The following ESD variants were observed in gnomAD, a reference collection of about 807,000 sequenced individuals.
ESD encodes S-formylglutathione hydrolase.
Under a neutral mutation model 38.1 loss-of-function variants are expected in ESD, and 34 were observed. The observed-to-expected ratio is 0.89, with a 90% CI of 0.68 to 1.19. ESD has a LOEUF of 1.19. ESD is among the 50% of genes most tolerant of loss of function. The pLI is 0.00. For synonymous variants in ESD, 97 were observed against 107.0 expected, an observed-to-expected ratio of 0.91 and a Z score of 0.58; for missense variants, 334 against 327.2, an observed-to-expected ratio of 1.02 and a Z score of -0.16.
At position 46,781,522 on chromosome 13, in the gene ESD, C is replaced by A. The variant is rs748070243; in HGVS notation, c.475G>T (p.Ala159Ser). ...SMGGHGALIC[A>S]LKNPGKYKSV... ...TTGTATTTTCCAGGATTTTTCAAAG[C>A]ACAGATCAGAGCTCCATGACCTCCC... The change falls in exon 7 of 10, where the codon GCT becomes TCT. Residue 159 changes from alanine to serine, a missense_variant. Transcript: ENST00000378720. 6.2e-7 allele frequency: 1 copy of A among 1,605,036 alleles called. No homozygotes were observed. Among genetic ancestry groups the A allele is most frequent in the South Asian group, 1.1e-5 (1 of 89,718 alleles).
chr13:46,774,176 C>T (rs148975173), intron 9 of ESD, among the ~76,000 whole-genome samples: 6 of 151,748 alleles, frequency 4.0e-5, no homozygotes, highest in Non-Finnish European at 4.4e-5. Flanking sequence ...TAGAGAAGTC[C>T]CAAGGTAAAC....
At chr13:46,794,086 G>A (rs1593412701) in intron 1 of ESD, among the ~76,000 whole-genome samples, 1 of 152,132 alleles carries the variant, frequency 6.6e-6, no homozygotes, top group South Asian at 2.1e-4. Flanking sequence ...AACAGATTTT[G>A]TGGGAGAAAT....
At position 46,777,467 on chromosome 13, in the gene ESD, G is replaced by T; in HGVS notation, c.757C>A (p.Arg253=). The T allele has an allele frequency of 6.2e-7, 1 of 1,601,360 alleles. No individual in the cohort carries two copies. Among genetic ancestry groups the T allele is most frequent in the South Asian group, 1.1e-5 (1 of 88,776 alleles). Residue 253 remains arginine (R), a synonymous_variant, in exon 9 of 10, where the codon CGA becomes AGA. Transcript: ENST00000378720. ...TTCCTAATACTTGCCTCTTGCAATC[G>T]AAAAACAACGGGGATTTTCTTTTCT... ...CTEKKIPVVF[R]LQEGYDHSYY...
chr13:46,784,297 C>G lies in ESD; in HGVS notation c.211G>C (p.Ala71Pro). 6.2e-7 allele frequency: 1 copy of G among 1,611,814 alleles called. No individual in the cohort carries two copies. The highest frequency in any genetic ancestry group is 2.2e-5 in the East Asian group (1 of 44,850). ...FISKSGYHQS[A>P]SEHGLVVIAP... ...ATGACAACAAGACCATGTTCTGAAG[C>G]AGACTGATGATAACCAGATTTTGAT... is the stretch of plus-strand genomic sequence containing the variant. Residue 71 changes from alanine to proline, a missense_variant, in exon 5 of 10, where the codon GCT becomes CCT. By Grantham distance (27) the Ala-to-Pro change is conservative (BLOSUM62 -1). Transcript: ENST00000378720.
rs1362030549 is a variant in ESD at position 46,777,590 on chromosome 13, G to T, written c.634C>A (p.Pro212Thr). The change falls in exon 9 of 10, where the codon CCA becomes ACA. Residue 212 changes from proline (P) to threonine (T), a missense_variant. Physicochemically the swap from Pro to Thr is conservative, Grantham distance 38. Transcript: ENST00000378720. The part of the protein sequence containing the change: ...YDATHLVKSY[P>T]GSQLDILIDQ... ...ATTAGTATGTCCAGCTGAGATCCTGGATAGGATTTCACAAGGTGGGTAGCA... is the reference window on the plus strand; with the variant it reads ...ATTAGTATGTCCAGCTGAGATCCTGTATAGGATTTCACAAGGTGGGTAGCA... 9 of 1,607,270 alleles carry T rather than the reference G, an allele frequency of 5.6e-6. No individual in the cohort carries two copies. Among genetic ancestry groups the T allele is most frequent in the Non-Finnish European group, 7.6e-6 (9 of 1,176,550 alleles).
At chr13:46,791,077 T>C (rs1351790743) in intron 3 of ESD, among the ~76,000 whole-genome samples, 1 of 152,172 alleles carries the variant, frequency 6.6e-6, no homozygotes, top group Non-Finnish European at 1.5e-5. Context: ...TCAGAATTTT[T>C]ACTGGCAACA....
In ESD at chr13:46,779,970, T is replaced by C; in HGVS notation, c.565A>G (p.Ser189Gly). ...CTTTGATCTGTTCCCAAATATCCACTAAAGGCTTTTTTGCCCCAGGGACAG... is the reference window on the plus strand; with the variant it reads ...CTTTGATCTGTTCCCAAATATCCACCAAAGGCTTTTTTGCCCCAGGGACAG... ...VLCPWGKKAF[S>G]GYLGTDQSKW... Residue 189 changes from serine to glycine, a missense_variant, in exon 8 of 10, where the codon AGT becomes GGT. Transcript: ENST00000378720. 6.2e-7 allele frequency: 1 copy of C among 1,606,238 alleles called. No individual in the cohort carries two copies. The highest frequency in any genetic ancestry group is 8.5e-7 in the Non-Finnish European group (1 of 1,174,676).
chr13:46,790,237 CTT>C (rs1268812962), intron 3 of ESD, among the ~76,000 whole-genome samples: 5 of 151,970 alleles, frequency 3.3e-5, no homozygotes, highest in African/African-American at 7.3e-5. Flanking sequence ...AAATTAAAGA[CTT>C]TATACAAATG....
rs1875057467 is a variant in ESD, at chr13:46,782,849, A to G, written c.257-58T>C. 2.5e-6 allele frequency: 4 copies of G among 1,589,294 alleles called. No individual in the cohort carries two copies. In the Admixed American group the frequency reaches 5.2e-5, roughly 21 times the overall value. ...TCTGTAGTAATGGCCCATGTTTAAT[A>G]ACACACTTTCAGATGAATCTGCAAG... On this transcript the variant is annotated intron_variant, in intron 5 of 9. Transcript: ENST00000378720.
chr13:46,792,638 A>G (rs1386248973), intron 2 of ESD, among the ~76,000 whole-genome samples: 1 of 151,966 alleles, frequency 6.6e-6, no homozygotes, highest in Non-Finnish European at 1.5e-5. Flanking sequence ...AACTGATTCT[A>G]TAGAATTATG....
At chr13:46,784,034 T>G (rs185852137) in intron 5 of ESD, among the ~76,000 whole-genome samples, 1 of 151,908 alleles carries the variant, frequency 6.6e-6, no homozygotes, top group Non-Finnish European at 1.5e-5. Context: ...ACAATGGGAA[T>G]AGCAAAACTA....
At chr13:46,781,475 T>C in intron 7 of ESD, 21 bp downstream of exon 7, 1 of 1,564,620 alleles carries the variant, frequency 6.4e-7, no homozygotes, top group Non-Finnish European at 8.7e-7. Context: ...TATTTATCAC[T>C]AGAAGTTTAG....
At chr13:46,788,433 C>T (rs1268967964) in intron 3 of ESD, among the ~76,000 whole-genome samples, 2 of 151,898 alleles carry the variant, frequency 1.3e-5, no homozygotes, top group Non-Finnish European at 2.9e-5. Context: ...ATATCAAATC[C>T]ATATTCAATG....
At chr13:46,776,417 TATC>T (rs1874800591) in intron 9 of ESD, 1 of 152,088 alleles carries the variant, frequency 6.6e-6, no homozygotes, top group Admixed American at 6.6e-5. Context: ...CTCAGGAGAA[TATC>T]ATGCCGTCTG....
chr13:46,775,630 A>G (rs1874769138), intron 9 of ESD: 1 of 470,604 alleles, frequency 2.1e-6, no homozygotes, highest in Non-Finnish European at 4.4e-6. Context: ...TTGTTGATTC[A>G]ATTACAACGA....
At chr13:46,771,579 G>T in intron 9 of ESD, 83 bp from the exon 10 acceptor site, 2 of 847,132 alleles carry the variant, frequency 2.4e-6, no homozygotes, top group Non-Finnish European at 3.8e-6. Context: ...CTCTAAGGTC[G>T]TTTAATTTGC....
chr13:46,794,664 A>G (rs190098602), intron 1 of ESD, among the ~76,000 whole-genome samples: 9 of 151,864 alleles, frequency 5.9e-5, no homozygotes, highest in African/African-American at 2.2e-4. Flanking sequence ...GATTCCTTGG[A>G]TTTTGATGTT....
chr13:46,782,766 A>G lies in ESD; in HGVS notation c.282T>C (p.Asp94=). 6.2e-7 allele frequency: 1 copy of G among 1,612,120 alleles called. No individual in the cohort carries two copies. The highest frequency in any genetic ancestry group is 8.5e-7 in the Non-Finnish European group (1 of 1,178,702). ...SPRGCNIKGE[D]ESWDFGTGAG... is the part of the protein sequence containing the mutation. Reference sequence around the variant, plus strand: ...CACCAGTGCCAAAGTCCCAGCTCTCATCTTCACCTTTAATATTGCAGCCAC... The same window carrying G: ...CACCAGTGCCAAAGTCCCAGCTCTCGTCTTCACCTTTAATATTGCAGCCAC... Residue 94 remains aspartate (D), a synonymous_variant, in exon 6 of 10, where the codon GAT becomes GAC. Transcript: ENST00000378720.
chr13:46,787,178 A>T, intron 3 of ESD, 69 bp from the exon 4 acceptor site: 3 of 822,208 alleles, frequency 3.6e-6, no homozygotes, highest in Non-Finnish European at 5.5e-6. Flanking sequence ...CAAAATAATT[A>T]TGCACTATAT....
Sources: allele counts gnomAD v4.1 joint callset (sites outside exome capture counted in the v4.1 genomes callset), GRCh38; gene constraint gnomAD v4.1.1; transcripts MANE v1.5; gene names NCBI Gene and HGNC (gene_info 2026-07-23, HGNC 2026-07-21).